Variants in ACOXL observed in about 807,000 individuals in gnomAD.
The protein encoded by ACOXL is acyl-coenzyme A oxidase-like protein.
Under a neutral mutation model 71.9 loss-of-function variants are expected in ACOXL, and 70 were observed. The ratio of observed to expected loss-of-function variants is 0.97; its 90% confidence interval spans 0.80 to 1.19. ACOXL has a LOEUF of 1.19. Ranked by LOEUF, ACOXL falls within the 50% of genes most tolerant of loss-of-function variation. ACOXL has a pLI of 0.00. For synonymous variants in ACOXL, 253 were observed against 281.6 expected (o/e 0.90, Z 1.02); for missense variants, 703 against 736.3 (o/e 0.95, Z 0.52).
At chr2:111,004,828 G>A (rs527604684) in intron 14 of ACOXL, among the ~76,000 whole-genome samples, 68 of 152,214 alleles carry the variant, frequency 4.5e-4, no homozygotes, top group African/African-American at 1.6e-3. Flanking sequence ...TTTGAGGGTC[G>A]GGACAGAGAA....
chr2:110,789,327 T>A (rs1043285381), intron 3 of ACOXL, among the ~76,000 whole-genome samples: 6 of 152,240 alleles, frequency 3.9e-5, no homozygotes, highest in African/African-American at 1.4e-4. Context: ...CATGCTTCCT[T>A]TTCTGCTTCT....
At chr2:111,108,535 C>T (rs577199296) in intron 17 of ACOXL, among the ~76,000 whole-genome samples, 5 of 152,150 alleles carry the variant, frequency 3.3e-5, no homozygotes, top group East Asian at 1.9e-4. Flanking sequence ...TGTGCCACCA[C>T]GCCTGGCTAA....
intron 15 of ACOXL, chr2:111,036,759 C>T (rs563990351): frequency 2.6e-5 from 4 of 152,174 alleles, no homozygotes; most frequent in South Asian, 4.2e-4. Context: ...TGGAGGGACA[C>T]GAAAGTGAGA....
intron 1 of ACOXL, among the ~76,000 whole-genome samples, chr2:110,749,654 G>A (rs1678669047): frequency 6.6e-6 from 1 of 152,220 alleles, no homozygotes; most frequent in Non-Finnish European, 1.5e-5. Context: ...TTTGAACTAG[G>A]GAGGTGGAGG....
rs555755105 is a variant in ACOXL at position 111,068,732 on chromosome 2, A to G, written c.1440+19444A>G. Among the ~76,000 whole-genome samples, 27 of 152,202 alleles carry G rather than the reference A, an allele frequency of 1.8e-4. No individual in the cohort carries two copies. The South Asian group carries it at 4.6e-3, about 26-fold the overall frequency. ...ACCGACGGGTTTCTTTCACCTATAA[A>G]TCCTTGAAGCCTCTTTTTGACCCCA... On this transcript the variant is annotated intron_variant, in intron 16 of 17. Coordinates refer to ENST00000439055, the MANE Select transcript of ACOXL (RefSeq NM_001142807.4).
chr2:111,045,340 A>C (rs1445993468), intron 15 of ACOXL, among the ~76,000 whole-genome samples: 5 of 152,316 alleles, frequency 3.3e-5, no homozygotes, highest in Admixed American at 1.3e-4. Context: ...TGAAATGTCA[A>C]CTTGTCATGA....
rs1368592319 is a variant in ACOXL at position 110,995,807 on chromosome 2, TA to T, written c.1170-80del. The T allele has an allele frequency of 5.6e-6, 6 of 1,080,080 alleles. No homozygotes were observed. In the Admixed American group the frequency reaches 5.7e-5, roughly 10 times the overall value. The allele number at this position is 1,080,080 out of a possible 1,614,324, so 66.9% of individuals were successfully genotyped here. ...ATTTTTCTACAGAAAAAAATAGTTT[TA>T]AAAAACAAACCTACTCTATTTCTTT... On this transcript the variant is annotated intron_variant, in intron 13 of 17. Coordinates refer to ENST00000439055, the MANE Select transcript of ACOXL (RefSeq NM_001142807.4).
chr2:111,100,317 T>C (rs1295914151), intron 17 of ACOXL: 1 of 152,598 alleles, frequency 6.6e-6, no homozygotes, highest in Non-Finnish European at 1.5e-5. Context: ...ATGCAGGTGA[T>C]GAAGGACCCA....
intron 15 of ACOXL, among the ~76,000 whole-genome samples, chr2:111,034,982 A>G (rs1346363144): frequency 1.3e-5 from 2 of 149,782 alleles, no homozygotes; most frequent in East Asian, 4.0e-4. Flanking sequence ...TAGTGGCATG[A>G]TCTCTGCTCA....
intron 10 of ACOXL, chr2:110,886,816 C>T: frequency 1.3e-6 from 2 of 1,551,042 alleles, no homozygotes; most frequent in South Asian, 1.2e-5. Flanking sequence ...TGTTCAGCTC[C>T]AGCTGGTCTT....
At chr2:110,924,906 A>G (rs1165275664) in intron 11 of ACOXL, among the ~76,000 whole-genome samples, 3 of 152,156 alleles carry the variant, frequency 2.0e-5, no homozygotes, top group Admixed American at 6.6e-5. Context: ...TTAATAAATA[A>G]TAAGACTTGA....
At chr2:111,022,021 C>A in intron 14 of ACOXL, among the ~76,000 whole-genome samples, 1 of 152,000 alleles carries the variant, frequency 6.6e-6, no homozygotes, top group Non-Finnish European at 1.5e-5. Context: ...TGAAAAAATA[C>A]AGAATAGAAA....
intron 12 of ACOXL, among the ~76,000 whole-genome samples, chr2:110,946,460 G>A (rs1295862110): frequency 6.6e-6 from 1 of 152,082 alleles, no homozygotes; most frequent in Non-Finnish European, 1.5e-5. Context: ...GTCTTGTTCT[G>A]GTTCTCAGGG....
intron 14 of ACOXL, 99 bp downstream of exon 14, chr2:110,996,103 C>G: frequency 1.0e-6 from 1 of 1,004,572 alleles, no homozygotes; most frequent in African/African-American, 1.6e-5. Context: ...ATGAGTCAGC[C>G]TAATGACAAG....
At chr2:110,951,598 C>A (rs2061335647) in intron 12 of ACOXL, among the ~76,000 whole-genome samples, 1 of 152,124 alleles carries the variant, frequency 6.6e-6, no homozygotes, top group Non-Finnish European at 1.5e-5. Context: ...TGCAGATATT[C>A]TCTATTATGT....
intron 16 of ACOXL, among the ~76,000 whole-genome samples, chr2:111,089,491 T>C (rs1250268957): frequency 6.6e-6 from 1 of 152,190 alleles, no homozygotes; most frequent in Non-Finnish European, 1.5e-5. Context: ...GACAAGACTT[T>C]ACAAACTTGA....
chr2:110,911,102 G>A (rs2059635296), intron 11 of ACOXL, among the ~76,000 whole-genome samples: 1 of 152,066 alleles, frequency 6.6e-6, no homozygotes, highest in Non-Finnish European at 1.5e-5. Flanking sequence ...ATGAACAATA[G>A]TATGCAACAA....
intron 12 of ACOXL, among the ~76,000 whole-genome samples, chr2:110,962,959 C>T (rs2061760330): frequency 6.6e-6 from 1 of 152,188 alleles, no homozygotes; most frequent in African/African-American, 2.4e-5. Flanking sequence ...ACCTGGGACC[C>T]ACACAAAGAC....
intron 16 of ACOXL, among the ~76,000 whole-genome samples, chr2:111,067,385 G>A (rs1415629461): frequency 6.6e-6 from 1 of 152,086 alleles, no homozygotes; most frequent in Non-Finnish European, 1.5e-5. Flanking sequence ...AATTTAAGGT[G>A]CATTTTTATA....
Sources: allele counts gnomAD v4.1 joint callset (sites outside exome capture counted in the v4.1 genomes callset), GRCh38; gene constraint gnomAD v4.1.1; transcripts MANE v1.5; gene names NCBI Gene and HGNC (gene_info 2026-07-23, HGNC 2026-07-21).